The following USP18 variants were observed in gnomAD, a reference collection of about 807,000 sequenced individuals.
The protein encoded by USP18 is ubl carboxyl-terminal hydrolase 18.
A neutral mutation model predicts 48.7 loss-of-function variants in USP18; 11 were observed. That is an observed-to-expected ratio of 0.23 (90% CI 0.14 to 0.37). The LOEUF (loss-of-function observed/expected upper bound fraction) is 0.37. USP18 is among the 10% of genes least tolerant of loss of function. The pLI is 1.00. For missense variants in USP18, 285 were observed against 436.4 expected (o/e 0.65, Z 3.09); for synonymous variants, 114 against 163.2 (o/e 0.70, Z 2.30).
chr22:18,155,539 G>A (rs1022101305), intron 1 of USP18, among the ~76,000 whole-genome samples: 4 of 152,188 alleles, frequency 2.6e-5, no homozygotes, highest in Admixed American at 6.5e-5. Flanking sequence ...AGGCAGGGGC[G>A]GGAACTGGGG....
chr22:18,162,922 C>T (rs1298079421), intron 4 of USP18, among the ~76,000 whole-genome samples: 11 of 151,250 alleles, frequency 7.3e-5, no homozygotes, highest in East Asian at 6.0e-4. Context: ...CTATTTTGGT[C>T]GGCTTGATGT....
chr22:18,161,484 G>A (rs1469748450), intron 3 of USP18, among the ~76,000 whole-genome samples: 2 of 37,776 alleles, frequency 5.3e-5, no homozygotes, highest in Non-Finnish European at 5.2e-5. Context: ...GCTCTAGCAC[G>A]ATTGCTGGGC....
chr22:18,157,631 A>G lies in USP18; in HGVS notation c.-33A>G. 6.2e-7 allele frequency: 1 copy of G among 1,613,378 alleles called. No individual in the cohort carries two copies. Among genetic ancestry groups the G allele is most frequent in the South Asian group, 1.1e-5 (1 of 91,058 alleles). ...GTGCTGTCCTGAACGCGGGCCAGGC[A>G]GCTGCGGCCTGGGGGTTTTGGAGTG... On this transcript the variant is annotated 5_prime_UTR_variant, in exon 2 of 11. Transcript: ENST00000215794.
intron 8 of USP18, among the ~76,000 whole-genome samples, chr22:18,172,923 T>TCAC (rs1929673931): frequency 9.3e-6 from 1 of 107,360 alleles, no homozygotes; most frequent in Non-Finnish European, 2.0e-5. Flanking sequence ...TCTCATGACC[T>TCAC]GCCTTCCATC....
intron 1 of USP18, among the ~76,000 whole-genome samples, chr22:18,153,338 G>A (rs138093414): frequency 4.6e-5 from 7 of 151,586 alleles, no homozygotes; most frequent in African/African-American, 1.7e-4. Flanking sequence ...CTAAGGCAGG[G>A]GAAGTGCTTG....
At chr22:18,174,112 C>T (rs945223202) in intron 10 of USP18, among the ~76,000 whole-genome samples, 1 of 152,140 alleles carries the variant, frequency 6.6e-6, no homozygotes, top group Admixed American at 6.5e-5. Flanking sequence ...CCTCGTTTAC[C>T]ATCTAGGCCA....
At chr22:18,174,925 T>C (rs1191329533) in intron 10 of USP18, among the ~76,000 whole-genome samples, 3 of 150,692 alleles carry the variant, frequency 2.0e-5, no homozygotes, top group Non-Finnish European at 4.4e-5. Context: ...GTTTGTTTGT[T>C]TGTTTTGAGA....
At chr22:18,169,500 C>T (rs1278866064) in intron 6 of USP18, among the ~76,000 whole-genome samples, 12 of 152,334 alleles carry the variant, frequency 7.9e-5, no homozygotes, top group African/African-American at 2.4e-4. Flanking sequence ...CGCTTGAACC[C>T]GGGAGGCGGA....
chr22:18,152,167 C>T (rs1337199608), intron 1 of USP18, among the ~76,000 whole-genome samples: 1 of 152,130 alleles, frequency 6.6e-6, no homozygotes, highest in African/African-American at 2.4e-5. Context: ...CGGAAGACAC[C>T]GAGGCTGCTT....
Position 18,157,646 on chromosome 22 carries a change from G to A in USP18, c.-18G>A. The A allele has an allele frequency of 1.2e-6, 2 of 1,614,004 alleles. No individual in the cohort carries two copies. The highest frequency in any genetic ancestry group is 1.7e-6 in the Non-Finnish European group (2 of 1,179,916). ...CGGGCCAGGCAGCTGCGGCCTGGGG[G>A]TTTTGGAGTGATCACGAATGAGCAA... is the stretch of plus-strand genomic sequence containing the variant. On this transcript the variant is annotated 5_prime_UTR_variant, in exon 2 of 11. Coordinates refer to ENST00000215794, the MANE Select transcript of USP18 (RefSeq NM_017414.4).
intron 10 of USP18, among the ~76,000 whole-genome samples, chr22:18,174,451 C>T (rs550411019): frequency 5.9e-5 from 9 of 152,120 alleles, no homozygotes; most frequent in Admixed American, 3.9e-4. Flanking sequence ...AGGATGGTCT[C>T]AGTCTCTTGA....
chr22:18,150,841 A>C (rs180731294), intron 1 of USP18, among the ~76,000 whole-genome samples: 1 of 152,320 alleles, frequency 6.6e-6, no homozygotes, highest in Non-Finnish European at 1.5e-5. Context: ...AATCCCAGCT[A>C]CTCGGGAGGC....
chr22:18,175,406 C>A (rs1929758353), intron 10 of USP18, among the ~76,000 whole-genome samples: 1 of 151,006 alleles, frequency 6.6e-6, no homozygotes, highest in Non-Finnish European at 1.5e-5. Context: ...CGTTTGAAAT[C>A]CTCCTTCTAC....
chr22:18,153,521 C>A (rs1929052864), intron 1 of USP18, among the ~76,000 whole-genome samples: 1 of 152,172 alleles, frequency 6.6e-6, no homozygotes. Context: ...AATTCCTGGG[C>A]TCAACTGATT....
At chr22:18,155,160 G>C (rs1233691885) in intron 1 of USP18, among the ~76,000 whole-genome samples, 1 of 152,242 alleles carries the variant, frequency 6.6e-6, no homozygotes, top group Non-Finnish European at 1.5e-5. Flanking sequence ...AGTTATTCAG[G>C]GCCCAGGGCC....
chr22:18,160,443 C>G (rs1198420902), intron 3 of USP18, among the ~76,000 whole-genome samples, 175 bp downstream of exon 3: 3 of 151,638 alleles, frequency 2.0e-5, no homozygotes, highest in African/African-American at 7.3e-5. Flanking sequence ...GTAGCTGGGA[C>G]TAGCCCGCCA....
chr22:18,157,853 A>G, intron 2 of USP18, 33 bp downstream of exon 2: 1 of 1,612,574 alleles, frequency 6.2e-7, no homozygotes, highest in South Asian at 1.1e-5. Context: ...CCTCTTCTTG[A>G]CTGCATGTAA....
intron 10 of USP18, 74 bp downstream of exon 10, chr22:18,173,916 G>A (rs1185032959): frequency 2.7e-6 from 4 of 1,494,488 alleles, no homozygotes; most frequent in East Asian, 2.4e-5. Context: ...AAACGCCCAT[G>A]GATTCCCCTG....
intron 8 of USP18, among the ~76,000 whole-genome samples, chr22:18,172,522 G>A (rs1929658001): frequency 6.6e-6 from 1 of 151,732 alleles, no homozygotes; most frequent in Admixed American, 6.6e-5. Context: ...TTAGATTTCC[G>A]CTCCTTTTCT....
Sources: allele counts gnomAD v4.1 joint callset (sites outside exome capture counted in the v4.1 genomes callset), GRCh38; gene constraint gnomAD v4.1.1; transcripts MANE v1.5; gene names NCBI Gene and HGNC (gene_info 2026-07-23, HGNC 2026-07-21).